STK10: variants seen among roughly 807,000 people sequenced by gnomAD.
STK10 encodes serine/threonine kinase 10.
A neutral mutation model predicts 113.8 loss-of-function variants in STK10; 78 were observed. That is an observed-to-expected ratio of 0.69 (90% confidence interval 0.57 to 0.83). The LOEUF (loss-of-function observed/expected upper bound fraction) is 0.83. Among genes scored for constraint, STK10 ranks in the 40% least tolerant of loss-of-function variants. The probability of loss-of-function intolerance (pLI) is 0.00; values close to 1 mark genes in which losing one functional copy is unlikely to be tolerated. For synonymous variants in STK10, 465 were observed against 494.7 expected (o/e 0.94, Z 0.80); for missense variants, 1,109 against 1,280.1 (o/e 0.87, Z 2.04).
At chr5:172,146,598 G>A (rs1265142149) in intron 2 of STK10, among the ~76,000 whole-genome samples, 1 of 152,164 alleles carries the variant, frequency 6.6e-6, no homozygotes, top group African/African-American at 2.4e-5. Context: ...ACAAACCAGG[G>A]AGCATGTACC....
intron 12 of STK10, among the ~76,000 whole-genome samples, chr5:172,075,583 A>G (rs1768288822): frequency 6.6e-6 from 1 of 152,216 alleles, no homozygotes; most frequent in Non-Finnish European, 1.5e-5. Flanking sequence ...AGGCTGAGGC[A>G]GGAGAATCGC....
chr5:172,182,452 T>C (rs1770874436), intron 1 of STK10, among the ~76,000 whole-genome samples: 1 of 150,850 alleles, frequency 6.6e-6, no homozygotes, highest in African/African-American at 2.4e-5. Flanking sequence ...GTGGGTGCAG[T>C]GGCTCACCAC....
chr5:172,098,501 G>A (rs969442005), intron 7 of STK10, among the ~76,000 whole-genome samples: 1 of 152,186 alleles, frequency 6.6e-6, no homozygotes, highest in African/African-American at 2.4e-5. Context: ...CACACAGGAT[G>A]CAGAGGAAGG....
chr5:172,142,038 CA>C (rs1160785376), intron 2 of STK10, among the ~76,000 whole-genome samples: 2 of 152,202 alleles, frequency 1.3e-5, no homozygotes, highest in Non-Finnish European at 2.9e-5. Flanking sequence ...AGTGAAAAAA[CA>C]GTTTCCATCT....
intron 7 of STK10, among the ~76,000 whole-genome samples, chr5:172,100,847 ATC>A (rs1020763235): frequency 3.9e-5 from 6 of 152,178 alleles, no homozygotes; most frequent in Admixed American, 3.3e-4. Context: ...AGGCGCTGGC[ATC>A]TCTTTCAATC....
At chr5:172,117,335 G>T in intron 4 of STK10, 146 bp downstream of exon 4, 1 of 786,844 alleles carries the variant, frequency 1.3e-6, no homozygotes, top group South Asian at 1.9e-5. Context: ...AGTAGGAAGG[G>T]GAGAACTGCT....
At chr5:172,046,876 C>T (rs552318431) in intron 18 of STK10, among the ~76,000 whole-genome samples, 1 of 152,136 alleles carries the variant, frequency 6.6e-6, no homozygotes, top group East Asian at 1.9e-4. Context: ...TTGCTAACAC[C>T]TACTTTAAGG....
At position 172,042,666 on chromosome 5, in the gene STK10, T is replaced by G. The variant is rs764722721; in HGVS notation, c.*2216A>C. On this transcript the variant is annotated 3_prime_UTR_variant, in exon 19 of 19. Coordinates refer to ENST00000176763, the MANE Select transcript of STK10 (RefSeq NM_005990.4). ...CTGCAGTTACACTGCCGCTAGTTCA[T>G]GTTTCCCCAGCACCAATGCACCAAA... is the stretch of plus-strand genomic sequence containing the variant. The G allele has an allele frequency of 2.6e-5, 4 of 152,262 alleles. No homozygotes were observed. Among genetic ancestry groups the G allele is most frequent in the Non-Finnish European group, 4.4e-5 (3 of 68,060 alleles). 9.4% of individuals were successfully genotyped at this position (152,262 alleles called of 1,614,324 possible). A position where few individuals can be genotyped will look rare whatever the true frequency, so the allele number is the denominator to read the frequency against.
At chr5:172,170,874 A>T (rs1238219881) in intron 1 of STK10, among the ~76,000 whole-genome samples, 1 of 152,180 alleles carries the variant, frequency 6.6e-6, no homozygotes. Flanking sequence ...CTCGCTACCC[A>T]GAGGAGGACA....
chr5:172,131,725 T>A (rs1007319711), intron 2 of STK10, among the ~76,000 whole-genome samples: 1 of 152,152 alleles, frequency 6.6e-6, no homozygotes, highest in Non-Finnish European at 1.5e-5. Flanking sequence ...GTCAGGGCTT[T>A]TTGCAGAAAT....
intron 2 of STK10, among the ~76,000 whole-genome samples, chr5:172,155,693 GA>G (rs890597685): frequency 2.4e-4 from 35 of 146,066 alleles, no homozygotes; most frequent in Middle Eastern, 3.5e-3. Flanking sequence ...GGAAGAATTA[GA>G]AAAAAAAAAA....
chr5:172,087,942 G>C (rs1233007076), intron 10 of STK10, among the ~76,000 whole-genome samples: 1 of 150,754 alleles, frequency 6.6e-6, no homozygotes, highest in Non-Finnish European at 1.5e-5. Context: ...ATTTATTTTT[G>C]AGAGATAGAG....
chr5:172,098,724 AG>A (rs1768910799), intron 7 of STK10, among the ~76,000 whole-genome samples: 4 of 152,310 alleles, frequency 2.6e-5, no homozygotes, highest in African/African-American at 9.6e-5. Flanking sequence ...TCTAGAACCA[AG>A]GCACCTGGTA....
intron 12 of STK10, among the ~76,000 whole-genome samples, chr5:172,069,909 G>A (rs1042133638): frequency 2.6e-5 from 4 of 152,044 alleles, no homozygotes; most frequent in African/African-American, 7.2e-5. Context: ...ACCACATCCC[G>A]GACCATAAAA....
chr5:172,044,895 GCA>G lies in STK10; in HGVS notation c.2892_2893del (p.Ala965GlyfsTer26). The stretch of plus-strand genomic sequence containing the variant: ...CCCGGGCGGTTGTTAAGAAGCATCC[GCA>G]GAACTGTAGGGGAAGAACTTGGCGG... On this transcript the variant is annotated frameshift_variant, in exon 19 of 19. Coordinates refer to ENST00000176763, the MANE Select transcript of STK10 (RefSeq NM_005990.4). LOFTEE classifies it high-confidence loss of function. This position sits in a 1 kb window ranked among gnomAD's most constrained non-coding sequence, Gnocchi z 4.5. The G allele has an allele frequency of 1.9e-6, 3 of 1,614,198 alleles. No homozygotes were observed. The highest frequency in any genetic ancestry group is 2.5e-6 in the Non-Finnish European group (3 of 1,180,040).
At chr5:172,109,136 A>C (rs1769180219) in intron 4 of STK10, among the ~76,000 whole-genome samples, 1 of 152,048 alleles carries the variant, frequency 6.6e-6, no homozygotes, top group Non-Finnish European at 1.5e-5. Context: ...GAGAAGGGGG[A>C]TACACAGTTG....
chr5:172,111,643 A>G (rs1034224670), intron 4 of STK10, among the ~76,000 whole-genome samples: 16 of 152,202 alleles, frequency 1.1e-4, no homozygotes, highest in African/African-American at 3.4e-4. Context: ...TCTTCTGATG[A>G]AAACACTCCC....
At chr5:172,098,414 G>C (rs1266487662) in intron 7 of STK10, among the ~76,000 whole-genome samples, 1 of 152,160 alleles carries the variant, frequency 6.6e-6, no homozygotes, top group Non-Finnish European at 1.5e-5. Flanking sequence ...AGAGGGAGCA[G>C]CTGGTACAAA....
At chr5:172,057,542 C>A (rs1013090728) in intron 14 of STK10, 69 bp from the exon 15 acceptor site, 4 of 1,515,898 alleles carry the variant, frequency 2.6e-6, no homozygotes, top group South Asian at 1.2e-5. Context: ...CCCTGCCCCC[C>A]ACCTCTGCCT....
Sources: allele counts gnomAD v4.1 joint callset (sites outside exome capture counted in the v4.1 genomes callset), GRCh38; gene constraint gnomAD v4.1.1; non-coding constraint Gnocchi (gnomAD v3.1); transcripts MANE v1.5; gene names NCBI Gene and HGNC (gene_info 2026-07-23, HGNC 2026-07-21).